KIF26B: variants seen among roughly 807,000 people sequenced by gnomAD.
KIF26B encodes the protein kinesin-like protein KIF26B.
In KIF26B, 63 loss-of-function variants were observed where a neutral mutation model predicts 151.2. That is an observed-to-expected ratio of 0.42 (90% CI 0.34 to 0.51). The LOEUF (loss-of-function observed/expected upper bound fraction) is 0.51, where lower values mean the gene tolerates loss of function less well. Among genes scored for constraint, KIF26B ranks in the 20% least tolerant of loss-of-function variants. The pLI is 0.07. For missense variants in KIF26B, 2,813 were observed against 2,913.6 expected (o/e 0.97, Z 0.79); for synonymous variants, 1,357 against 1,262.1 (o/e 1.08, Z -1.59).
intron 2 of KIF26B, among the ~76,000 whole-genome samples, chr1:245,189,629 A>G (rs1281820603): frequency 1.3e-5 from 2 of 152,142 alleles, no homozygotes; most frequent in Non-Finnish European, 2.9e-5. Flanking sequence ...ATTAGAGGTA[A>G]GCCCCCTACC....
chr1:245,685,644 A>G lies in KIF26B; in HGVS notation c.2661A>G (p.Pro887=). 6.2e-7 allele frequency: 1 copy of G among 1,613,332 alleles called. No individual in the cohort carries two copies. The highest frequency in any genetic ancestry group is 1.1e-5 in the South Asian group (1 of 91,034). The change falls in exon 12 of 15, where the codon CCA becomes CCG. Residue 887 remains proline, a synonymous_variant. Transcript: ENST00000407071. ...DKELTDNEGP[P]DFVPIVPALQ... is the part of the protein sequence containing the mutation. ...AGCTCACCGACAACGAGGGCCCCCC[A>G]GACTTTGTCCCTATCGTGCCAGCCC...
chr1:245,508,332 C>T (rs1244694102), intron 4 of KIF26B, among the ~76,000 whole-genome samples: 1 of 152,214 alleles, frequency 6.6e-6, no homozygotes, highest in Non-Finnish European at 1.5e-5. Flanking sequence ...GCTCCGCCTC[C>T]TGGGTTCACA....
intron 3 of KIF26B, among the ~76,000 whole-genome samples, chr1:245,396,981 A>G (rs1353632991): frequency 6.7e-6 from 1 of 150,134 alleles, no homozygotes; most frequent in African/African-American, 2.5e-5. Context: ...TTTTTTTGGA[A>G]AGGGTTTCAC....
intron 4 of KIF26B, among the ~76,000 whole-genome samples, chr1:245,458,501 G>A (rs1030878969): frequency 6.6e-6 from 1 of 152,100 alleles, no homozygotes; most frequent in African/African-American, 2.4e-5. Context: ...CCTGGCTCTC[G>A]CTGTCTCACT....
chr1:245,384,640 T>C (rs1179132675), intron 3 of KIF26B, among the ~76,000 whole-genome samples: 1 of 152,222 alleles, frequency 6.6e-6, no homozygotes, highest in East Asian at 1.9e-4. Context: ...AAACAGACAG[T>C]ACCTCACCAC....
chr1:245,598,497 C>T (rs1029834814), intron 5 of KIF26B, among the ~76,000 whole-genome samples: 3 of 152,200 alleles, frequency 2.0e-5, no homozygotes, highest in East Asian at 1.9e-4. Context: ...CATGTGGCTA[C>T]GCTCCGTGAC....
chr1:245,427,266 A>G (rs1435927327), intron 4 of KIF26B, among the ~76,000 whole-genome samples: 1 of 152,214 alleles, frequency 6.6e-6, no homozygotes, highest in Non-Finnish European at 1.5e-5. Flanking sequence ...ACAACTTGGA[A>G]CAGTTAATGT....
chr1:245,181,978 A>T (rs746901828), intron 2 of KIF26B, among the ~76,000 whole-genome samples: 6 of 152,172 alleles, frequency 3.9e-5, no homozygotes, highest in Non-Finnish European at 8.8e-5. Context: ...ATTGAGATAC[A>T]ATTTATGTGC....
chr1:245,469,530 A>G (rs1659864332), intron 4 of KIF26B, among the ~76,000 whole-genome samples: 4 of 152,198 alleles, frequency 2.6e-5, no homozygotes, highest in Admixed American at 2.0e-4. Flanking sequence ...TTCCCTACCT[A>G]TAGTGAGAGC....
intron 4 of KIF26B, among the ~76,000 whole-genome samples, chr1:245,444,419 C>T (rs368830683): frequency 1.3e-5 from 2 of 151,890 alleles, no homozygotes; most frequent in African/African-American, 2.4e-5. Context: ...AGCAGCGTGG[C>T]GACCTACACC....
chr1:245,547,225 G>A (rs554634346), intron 5 of KIF26B, among the ~76,000 whole-genome samples: 19 of 152,298 alleles, frequency 1.2e-4, no homozygotes, highest in Non-Finnish European at 2.6e-4. Flanking sequence ...CAAAGAGTGG[G>A]AACTGTTAGG....
chr1:245,589,638 G>C (rs1055247092), intron 5 of KIF26B, among the ~76,000 whole-genome samples: 5 of 152,196 alleles, frequency 3.3e-5, no homozygotes, highest in African/African-American at 1.2e-4. Context: ...CTAATTATTA[G>C]GCGAGTGTGG....
chr1:245,250,972 GCA>G (rs1468096301), intron 2 of KIF26B, among the ~76,000 whole-genome samples: 1 of 152,180 alleles, frequency 6.6e-6, no homozygotes, highest in Non-Finnish European at 1.5e-5. Context: ...AGGGGAAAAG[GCA>G]CAGAGGGTGG....
chr1:245,552,129 G>A (rs865858348), intron 5 of KIF26B, among the ~76,000 whole-genome samples: 11,441 of 101,870 alleles, frequency 0.11, 684 homozygotes, highest in South Asian at 0.22. Context: ...CAGGGTGTGT[G>A]TGTGTGTGTG....
At chr1:245,538,261 A>G (rs562985736) in intron 4 of KIF26B, among the ~76,000 whole-genome samples, 35 of 152,318 alleles carry the variant, frequency 2.3e-4, no homozygotes, top group African/African-American at 7.9e-4. Context: ...GGCCTGCAGA[A>G]GGCCAGCACA....
intron 2 of KIF26B, among the ~76,000 whole-genome samples, chr1:245,286,924 A>G (rs1671172233): frequency 1.3e-5 from 2 of 152,200 alleles, no homozygotes; most frequent in Admixed American, 1.3e-4. Flanking sequence ...CTTGGCCAAC[A>G]TGGTGAAACC....
intron 2 of KIF26B, among the ~76,000 whole-genome samples, chr1:245,300,919 C>T (rs1373143611): frequency 2.0e-5 from 3 of 151,660 alleles, no homozygotes; most frequent in Non-Finnish European, 4.4e-5. Context: ...CAACCTCTGC[C>T]TCCTGGGTTC....
intron 4 of KIF26B, among the ~76,000 whole-genome samples, chr1:245,472,582 T>G (rs1432645520): frequency 6.6e-6 from 1 of 152,214 alleles, no homozygotes; most frequent in Non-Finnish European, 1.5e-5. Context: ...TGGAGCATTT[T>G]GGGTTAGGGA....
intron 2 of KIF26B, among the ~76,000 whole-genome samples, chr1:245,179,481 G>A (rs1668866636): frequency 6.6e-6 from 1 of 152,170 alleles, no homozygotes; most frequent in East Asian, 1.9e-4. Flanking sequence ...AAAATTAGCC[G>A]GGCGTGGTGG....
Sources: gnomAD v4.1 joint callset for allele counts (sites outside exome capture counted in the v4.1 genomes callset) on GRCh38, gnomAD v4.1.1 for gene constraint, MANE v1.5 for transcripts, NCBI Gene and HGNC (gene_info 2026-07-23, HGNC 2026-07-21) for gene names.